Variants in GALNT13 observed in about 807,000 individuals in gnomAD.
The protein encoded by GALNT13 is UDP-GalNAc:polypeptide N-acetylgalactosaminyltransferase 13.
A neutral mutation model predicts 64.2 loss-of-function variants in GALNT13; 28 were observed. The observed-to-expected ratio is 0.44, with a 90% CI of 0.32 to 0.60. The LOEUF is 0.60. Among genes scored for constraint, GALNT13 ranks in the 20% least tolerant of loss-of-function variants. The probability of loss-of-function intolerance (pLI) is 0.05; values close to 1 mark genes in which losing one functional copy is unlikely to be tolerated. For synonymous variants in GALNT13, 214 were observed against 224.6 expected, an observed-to-expected ratio of 0.95 and a Z score of 0.42; for missense variants, 577 against 669.8, an observed-to-expected ratio of 0.86 and a Z score of 1.53.
intron 11 of GALNT13, among the ~76,000 whole-genome samples, chr2:154,428,899 A>G (rs1440305926): frequency 6.6e-6 from 1 of 151,724 alleles, no homozygotes; most frequent in Non-Finnish European, 1.5e-5. Flanking sequence ...CTCCTGCCTC[A>G]GCCTCCCACG....
chr2:153,484,375 C>G, the GALNT13 span, among the ~76,000 whole-genome samples: 1 of 152,052 alleles, frequency 6.6e-6, no homozygotes, highest in African/African-American at 2.4e-5. Flanking sequence ...CATAACTGAG[C>G]AGTTATATTG....
At position 154,274,781 on chromosome 2, in the gene GALNT13, C is replaced by T. The variant is rs542974132; in HGVS notation, c.975+15643C>T. Among the ~76,000 whole-genome samples the T allele has an allele frequency of 2.0e-5, 3 of 152,104 alleles. No individual in the cohort carries two copies. The South Asian group carries it at 6.2e-4, about 32-fold the overall frequency. ...TGGTACTGGGGGTACCAAAAAGATA[C>T]CCAAAAATGTAGAAGTGACTTTGGA... On this transcript the variant is annotated intron_variant, in intron 8 of 12. Coordinates refer to ENST00000392825, the MANE Select transcript of GALNT13 (RefSeq NM_052917.4).
the GALNT13 span, chr2:153,593,404 C>G: frequency 6.6e-6 from 1 of 152,278 alleles, no homozygotes; most frequent in African/African-American, 2.4e-5. Context: ...CACCCCCATC[C>G]CCCACAGCAG....
the GALNT13 span, among the ~76,000 whole-genome samples, chr2:153,541,016 A>G: frequency 2.0e-5 from 3 of 152,090 alleles, no homozygotes; most frequent in Non-Finnish European, 4.4e-5. Context: ...ATGTGAGGAC[A>G]TGAGATTTGA....
chr2:153,315,039 C>T, the GALNT13 span, among the ~76,000 whole-genome samples: 1 of 151,934 alleles, frequency 6.6e-6, no homozygotes, highest in Non-Finnish European at 1.5e-5. Context: ...AAATATATGT[C>T]ATGGAAGTAC....
chr2:154,049,690 A>T (rs1220733554), intron 3 of GALNT13, among the ~76,000 whole-genome samples: 2 of 151,732 alleles, frequency 1.3e-5, no homozygotes, highest in Admixed American at 1.3e-4. Flanking sequence ...CACATACTTA[A>T]TAGTTACCAC....
chr2:153,666,030 G>C, the GALNT13 span, among the ~76,000 whole-genome samples: 15 of 152,214 alleles, frequency 9.9e-5, no homozygotes, highest in East Asian at 2.3e-3. Context: ...CATGGGATGA[G>C]GTTAGTATGA....
chr2:154,037,713 A>G (rs905452742), intron 3 of GALNT13, among the ~76,000 whole-genome samples: 1 of 152,206 alleles, frequency 6.6e-6, no homozygotes, highest in Non-Finnish European at 1.5e-5. Flanking sequence ...TATATCAACA[A>G]TGAATTAGCT....
At chr2:153,909,718 A>T (rs540859135) in intron 2 of GALNT13, among the ~76,000 whole-genome samples, 7 of 152,012 alleles carry the variant, frequency 4.6e-5, no homozygotes, top group African/African-American at 1.7e-4. Flanking sequence ...CTGTTTTTGT[A>T]ATGAATTACA....
intron 11 of GALNT13, among the ~76,000 whole-genome samples, chr2:154,417,525 T>TTTATTTA (rs1559143602): frequency 1.5e-3 from 30 of 20,494 alleles, no homozygotes; most frequent in South Asian, 6.3e-3. Context: ...TTATTTATTT[T>TTTATTTA]TTTGAGGCGG....
the GALNT13 span, among the ~76,000 whole-genome samples, chr2:153,341,838 TC>T: frequency 1.3e-5 from 2 of 152,080 alleles, no homozygotes; most frequent in African/African-American, 4.8e-5. Flanking sequence ...AGCTGAACTT[TC>T]CCCAGGGTAT....
chr2:153,901,454 G>A (rs775459210), intron 2 of GALNT13, among the ~76,000 whole-genome samples: 1 of 152,160 alleles, frequency 6.6e-6, no homozygotes, highest in Non-Finnish European at 1.5e-5. Flanking sequence ...CTGTCCATGA[G>A]CATGGGATGT....
intron 4 of GALNT13, among the ~76,000 whole-genome samples, chr2:154,144,627 G>A (rs1683458395): frequency 6.6e-6 from 1 of 151,890 alleles, no homozygotes; most frequent in South Asian, 2.1e-4. Flanking sequence ...AACTATTTTG[G>A]CTAAATTCAG....
At chr2:153,817,045 C>T in the GALNT13 span, among the ~76,000 whole-genome samples, 1 of 152,254 alleles carries the variant, frequency 6.6e-6, no homozygotes, top group African/African-American at 2.4e-5. Flanking sequence ...TTTCATCCAC[C>T]ATGTAATAAG....
the GALNT13 span, among the ~76,000 whole-genome samples, chr2:153,387,406 C>T: frequency 6.6e-6 from 1 of 151,992 alleles, no homozygotes; most frequent in Non-Finnish European, 1.5e-5. Context: ...TTAGAATGTT[C>T]CTCCACTCCC....
chr2:153,438,336 G>T, the GALNT13 span, among the ~76,000 whole-genome samples: 1 of 152,090 alleles, frequency 6.6e-6, no homozygotes, highest in Non-Finnish European at 1.5e-5. Context: ...TTATCTTTGT[G>T]GCATTTTCTG....
chr2:153,988,797 G>C (rs983323964), intron 3 of GALNT13, among the ~76,000 whole-genome samples: 7 of 151,884 alleles, frequency 4.6e-5, no homozygotes, highest in Non-Finnish European at 7.4e-5. Flanking sequence ...TAAGTCTTTG[G>C]AGTATTTATT....
the GALNT13 span, among the ~76,000 whole-genome samples, chr2:153,526,626 CT>C: frequency 6.6e-6 from 1 of 152,160 alleles, no homozygotes; most frequent in African/African-American, 2.4e-5. Context: ...ACACCTAACC[CT>C]TCATTGCCCA....
chr2:154,159,746 C>T (rs1232843359), intron 4 of GALNT13, among the ~76,000 whole-genome samples: 1 of 151,924 alleles, frequency 6.6e-6, no homozygotes, highest in African/African-American at 2.4e-5. Flanking sequence ...TGAAAATAGT[C>T]TAATGTTGGG....
Sources: allele counts gnomAD v4.1 joint callset (sites outside exome capture counted in the v4.1 genomes callset), GRCh38; gene constraint gnomAD v4.1.1; transcripts MANE v1.5; gene names NCBI Gene and HGNC (gene_info 2026-07-23, HGNC 2026-07-21).